Variants in ZDHHC7 observed in about 807,000 individuals in gnomAD.
The protein encoded by ZDHHC7 is palmitoyltransferase ZDHHC7.
In ZDHHC7, 12 loss-of-function variants were observed where a neutral mutation model predicts 34.1. That is an observed-to-expected ratio of 0.35 (90% CI 0.23 to 0.57). ZDHHC7 has a LOEUF of 0.57. Among genes scored for constraint, ZDHHC7 ranks in the 20% least tolerant of loss-of-function variants. The probability of loss-of-function intolerance (pLI) is 0.84; values close to 1 mark genes in which losing one functional copy is unlikely to be tolerated. For synonymous variants in ZDHHC7, 185 were observed against 155.4 expected (o/e 1.19, Z -1.42); for missense variants, 388 against 402.7 (o/e 0.96, Z 0.31).
At chr16:85,020,374 C>T in the ZDHHC7 span, among the ~76,000 whole-genome samples, 1,573 of 152,358 alleles carry the variant, frequency 0.01, 34 homozygotes, top group African/African-American at 0.036. Context: ...CTAGGCAAAG[C>T]TCCTGCCTGT....
chr16:84,996,857 T>A (rs919972560), intron 1 of ZDHHC7, among the ~76,000 whole-genome samples: 1 of 152,146 alleles, frequency 6.6e-6, no homozygotes, highest in African/African-American at 2.4e-5. Context: ...TGAAACCCCG[T>A]CGCTACTAAA....
intron 1 of ZDHHC7, among the ~76,000 whole-genome samples, chr16:84,998,868 C>G (rs768291915): frequency 8.6e-5 from 13 of 151,422 alleles, no homozygotes; most frequent in Non-Finnish European, 1.8e-4. Flanking sequence ...ATTCTCTTGC[C>G]TCAGCCTCCC....
intron 1 of ZDHHC7, among the ~76,000 whole-genome samples, chr16:85,009,709 C>CTTTTTTTTTT (rs543110602): frequency 7.9e-6 from 1 of 126,626 alleles, no homozygotes; most frequent in Non-Finnish European, 1.7e-5. Context: ...GACTTTTTTT[C>CTTTTTTTTTT]TTTTTTTTTT....
chr16:85,021,404 C>G, the ZDHHC7 span, among the ~76,000 whole-genome samples: 1 of 100,932 alleles, frequency 9.9e-6, no homozygotes, highest in Non-Finnish European at 1.8e-5. Flanking sequence ...GAGCGAGACT[C>G]CATCCAAAAA....
chr16:84,976,639 A>C lies in ZDHHC7; in HGVS notation c.751-120T>G, dbSNP rs952798123. On this transcript the variant is annotated intron_variant, in intron 7 of 7. Coordinates refer to ENST00000313732, the MANE Select transcript of ZDHHC7 (RefSeq NM_017740.3). Reference sequence around the variant, plus strand: ...GGCTCGATGGAGGGTAGGTGAGTGAACTCTCCTTCCCAGCTCTGCCCCGAT... The same window carrying C: ...GGCTCGATGGAGGGTAGGTGAGTGACCTCTCCTTCCCAGCTCTGCCCCGAT... 11 of 1,352,734 alleles carry C rather than the reference A, an allele frequency of 8.1e-6. No homozygotes were observed. In the African/African-American group the frequency reaches 1.6e-4, roughly 20 times the overall value. The allele number at this position is 1,352,734 out of a possible 1,614,324, so 83.8% of individuals were successfully genotyped here.
the ZDHHC7 span, among the ~76,000 whole-genome samples, chr16:85,023,269 C>T: frequency 6.6e-6 from 1 of 151,526 alleles, no homozygotes; most frequent in African/African-American, 2.4e-5. Context: ...CAGGTTCAAG[C>T]AATTCTCCTG....
At chr16:85,025,960 C>G in the ZDHHC7 span, among the ~76,000 whole-genome samples, 1 of 152,200 alleles carries the variant, frequency 6.6e-6, no homozygotes, top group African/African-American at 2.4e-5. Flanking sequence ...GGCCCAATGT[C>G]AGGTTCACTG....
the ZDHHC7 span, among the ~76,000 whole-genome samples, chr16:85,025,327 G>A: frequency 6.6e-6 from 1 of 151,888 alleles, no homozygotes; most frequent in Admixed American, 6.6e-5. Context: ...AGTGAAGAGT[G>A]GGAGAGACCA....
At chr16:85,015,827 A>C (rs1196550361), upstream of ZDHHC7, among the ~76,000 whole-genome samples, 1 of 151,324 alleles carries the variant, frequency 6.6e-6, no homozygotes, top group Non-Finnish European at 1.5e-5. Context: ...ACAGAACAAG[A>C]TCCTATCTCA....
At chr16:85,009,841 TG>T (rs1381544524) in intron 1 of ZDHHC7, among the ~76,000 whole-genome samples, 3 of 151,626 alleles carry the variant, frequency 2.0e-5, no homozygotes. Context: ...CCCGAGTAGC[TG>T]GGACTACAGG....
chr16:84,978,368 G>A (rs1018034341), intron 5 of ZDHHC7, among the ~76,000 whole-genome samples: 4 of 152,208 alleles, frequency 2.6e-5, no homozygotes, highest in Admixed American at 2.0e-4. Flanking sequence ...AGAAAAAAAT[G>A]AGGGAAGGAT....
chr16:84,999,428 C>T (rs2072625377), intron 1 of ZDHHC7, among the ~76,000 whole-genome samples: 1 of 152,146 alleles, frequency 6.6e-6, no homozygotes, highest in African/African-American at 2.4e-5. Flanking sequence ...CTGTTCACAG[C>T]AGCTTTGTTC....
chr16:85,024,193 C>T, the ZDHHC7 span, among the ~76,000 whole-genome samples: 1 of 149,222 alleles, frequency 6.7e-6, no homozygotes, highest in Admixed American at 6.7e-5. Flanking sequence ...GCTGAGATTA[C>T]AGGCATGAGG....
At chr16:84,992,861 G>A (rs1413377921) in intron 2 of ZDHHC7, among the ~76,000 whole-genome samples, 2 of 152,104 alleles carry the variant, frequency 1.3e-5, no homozygotes, top group East Asian at 3.8e-4. Context: ...AAATGCAACT[G>A]GAACATAGCA....
intron 3 of ZDHHC7, among the ~76,000 whole-genome samples, chr16:84,986,665 T>C (rs1453946160): frequency 6.6e-6 from 1 of 152,154 alleles, no homozygotes; most frequent in Non-Finnish European, 1.5e-5. Flanking sequence ...TCTGACCCCA[T>C]CTTCCCCTCC....
the ZDHHC7 span, among the ~76,000 whole-genome samples, chr16:85,022,771 T>C: frequency 6.6e-6 from 1 of 152,184 alleles, no homozygotes; most frequent in Non-Finnish European, 1.5e-5. Flanking sequence ...AAATAGACAG[T>C]ATGTGCCTCC....
At chr16:84,987,946 G>A (rs949486861) in intron 3 of ZDHHC7, among the ~76,000 whole-genome samples, 2 of 152,164 alleles carry the variant, frequency 1.3e-5, no homozygotes, top group African/African-American at 4.8e-5. Flanking sequence ...GAGGCGGGCA[G>A]ATCATAAGGT....
intron 1 of ZDHHC7, among the ~76,000 whole-genome samples, chr16:84,997,525 C>A (rs1255981068): frequency 6.6e-6 from 1 of 150,778 alleles, no homozygotes; most frequent in African/African-American, 2.4e-5. Flanking sequence ...CCCGCCTCGG[C>A]CTCCCAAAGT....
the ZDHHC7 span, among the ~76,000 whole-genome samples, chr16:85,024,053 G>C: frequency 6.6e-6 from 1 of 152,148 alleles, no homozygotes; most frequent in East Asian, 1.9e-4. Context: ...AAGTAGCTGA[G>C]ATTTCAGGCA....
Sources: allele counts gnomAD v4.1 joint callset (sites outside exome capture counted in the v4.1 genomes callset), GRCh38; gene constraint gnomAD v4.1.1; transcripts MANE v1.5; gene names NCBI Gene and HGNC (gene_info 2026-07-23, HGNC 2026-07-21).